Variants in PKNOX2 observed in about 807,000 individuals in gnomAD.
The protein encoded by PKNOX2 is homeobox protein PKNOX2.
In PKNOX2, 14 loss-of-function variants were observed where a neutral mutation model predicts 53.1. The ratio of observed to expected loss-of-function variants is 0.26; its 90% confidence interval spans 0.17 to 0.41. The LOEUF is 0.41. PKNOX2 is among the 10% of genes least tolerant of loss of function. The pLI, the probability that PKNOX2 is intolerant of heterozygous loss-of-function variation, is 1.00. For missense variants in PKNOX2, 496 were observed against 602.8 expected, an observed-to-expected ratio of 0.82 and a Z score of 1.85; for synonymous variants, 257 against 242.8, an observed-to-expected ratio of 1.06 and a Z score of -0.54.
At position 125,410,595 on chromosome 11, in the gene PKNOX2, G is replaced by A. The variant is rs1056333133; in HGVS notation, c.719-184G>A. 24 of 650,158 alleles carry A rather than the reference G, an allele frequency of 3.7e-5. No homozygotes were observed. The Admixed American group carries it at 4.9e-4, about 13-fold the overall frequency. The allele number at this position is 650,158 out of a possible 1,614,324, so 40.3% of individuals were successfully genotyped here. A position where few individuals can be genotyped will look rare whatever the true frequency, so the allele number is the denominator to read the frequency against. ...TTCCCCGAAGCACCTCCCACCAGAG[G>A]CTCTGTCCTAGGCTCTAGACACCAT... On this transcript the variant is annotated intron_variant, in intron 8 of 12. Transcript: ENST00000298282.
In PKNOX2 at chr11:125,354,650, A is replaced by G. The variant is rs372855029; in HGVS notation, c.87+3258A>G. Among the ~76,000 whole-genome samples, 10 of 152,382 alleles carry G rather than the reference A, an allele frequency of 6.6e-5. No individual in the cohort carries two copies. In the East Asian group the frequency reaches 1.7e-3, roughly 26 times the overall value. ...TTGGAAAATTAGGAATCTGCATTAA[A>G]AAATTCCCAAGCCCCGGACCTTCTT... On this transcript the variant is annotated intron_variant, in intron 4 of 12. Coordinates refer to ENST00000298282, the MANE Select transcript of PKNOX2 (RefSeq NM_001382323.2).
intron 6 of PKNOX2, among the ~76,000 whole-genome samples, chr11:125,389,758 C>T (rs1953915759): frequency 6.6e-6 from 1 of 152,226 alleles, no homozygotes; most frequent in South Asian, 2.1e-4. Context: ...CAAACCGTGG[C>T]TGTAAAACGT....
At chr11:125,221,653 G>C (rs1289377141) in intron 1 of PKNOX2, among the ~76,000 whole-genome samples, 1 of 152,104 alleles carries the variant, frequency 6.6e-6, no homozygotes, top group African/African-American at 2.4e-5. Flanking sequence ...TTGTTATTAT[G>C]GGCTGCATAT....
At chr11:125,299,760 T>G (rs940548309) in intron 2 of PKNOX2, among the ~76,000 whole-genome samples, 3 of 152,024 alleles carry the variant, frequency 2.0e-5, no homozygotes, top group Admixed American at 6.6e-5. Context: ...GGGTGAGCGT[T>G]GGGGATATGG....
intron 2 of PKNOX2, among the ~76,000 whole-genome samples, chr11:125,329,869 T>G (rs73025721): frequency 6.6e-6 from 1 of 151,930 alleles, no homozygotes; most frequent in Non-Finnish European, 1.5e-5. Flanking sequence ...CAGCTGCTTT[T>G]TCGACAATGA....
intron 3 of PKNOX2, among the ~76,000 whole-genome samples, chr11:125,348,566 TG>T (rs1277825711): frequency 3.3e-5 from 5 of 152,340 alleles, no homozygotes; most frequent in Admixed American, 2.0e-4. Flanking sequence ...GGCTCAGGAC[TG>T]AACAGTCTCC....
chr11:125,227,272 A>T (rs1352461933), intron 1 of PKNOX2, among the ~76,000 whole-genome samples: 1 of 152,102 alleles, frequency 6.6e-6, no homozygotes, highest in African/African-American at 2.4e-5. Context: ...TGATGACATT[A>T]AGTATATTCG....
intron 2 of PKNOX2, among the ~76,000 whole-genome samples, chr11:125,279,464 C>G (rs553498948): frequency 1.3e-5 from 2 of 152,322 alleles, no homozygotes; most frequent in African/African-American, 4.8e-5. Flanking sequence ...GAAAATGAGG[C>G]TATGGCAGCA....
chr11:125,251,239 G>C (rs1174560766), intron 2 of PKNOX2, among the ~76,000 whole-genome samples: 5 of 152,148 alleles, frequency 3.3e-5, no homozygotes, highest in African/African-American at 1.2e-4. Flanking sequence ...AAGCTTATTA[G>C]GTTGAATATT....
At chr11:125,314,208 T>C (rs1480158187) in intron 2 of PKNOX2, among the ~76,000 whole-genome samples, 2 of 152,100 alleles carry the variant, frequency 1.3e-5, no homozygotes, top group Non-Finnish European at 2.9e-5. Flanking sequence ...GGTGTCATGG[T>C]CAGCTCGTCG....
At chr11:125,228,308 A>G (rs554612080) in intron 1 of PKNOX2, among the ~76,000 whole-genome samples, 56 of 152,336 alleles carry the variant, frequency 3.7e-4, no homozygotes, top group Non-Finnish European at 6.9e-4. Context: ...TTCGAATTTT[A>G]AAAGTCACAC....
intron 2 of PKNOX2, among the ~76,000 whole-genome samples, chr11:125,236,810 C>T (rs749053457): frequency 2.0e-5 from 3 of 152,050 alleles, no homozygotes; most frequent in South Asian, 2.1e-4. Flanking sequence ...GTGATAGGGC[C>T]CAGTTGAGGA....
intron 5 of PKNOX2, among the ~76,000 whole-genome samples, chr11:125,379,366 G>A (rs139973049): frequency 0.011 from 1,749 of 152,204 alleles, 28 homozygotes; most frequent in African/African-American, 0.039. Context: ...CCCAGCCAAG[G>A]ACCCAGCCAT....
intron 10 of PKNOX2, among the ~76,000 whole-genome samples, chr11:125,417,716 G>A (rs61318400): frequency 2.6e-5 from 4 of 152,156 alleles, no homozygotes; most frequent in East Asian, 1.9e-4. Context: ...CAGCAGAGGC[G>A]TGGAGCCCCG....
intron 1 of PKNOX2, among the ~76,000 whole-genome samples, chr11:125,168,035 T>G (rs1955019847): frequency 6.6e-6 from 1 of 152,216 alleles, no homozygotes; most frequent in Admixed American, 6.5e-5. Context: ...AGCATTGCTT[T>G]AGGTAGGCCT....
intron 4 of PKNOX2, among the ~76,000 whole-genome samples, chr11:125,364,141 C>T (rs920850563): frequency 1.3e-5 from 2 of 152,214 alleles, no homozygotes; most frequent in African/African-American, 2.4e-5. Context: ...TCCTCCTGGC[C>T]CCCAAGCCCT....
At position 125,410,243 on chromosome 11, in the gene PKNOX2, C is replaced by A. The variant is rs774563329; in HGVS notation, c.636C>A (p.Asn212Lys). ...ATTCCATGTCCGGAGTCTCCAATAA[C>A]CCCCAGGGGATTGTGGTCCCAGCCT... ...SPNSMSGVSN[N>K]PQGIVVPASA... Residue 212 changes from asparagine (N) to lysine (K), a missense_variant, in exon 8 of 13, where the codon AAC (asparagine) becomes AAA (lysine). Physicochemically the swap from Asn to Lys is moderately conservative, Grantham distance 94 (BLOSUM62 0). Transcript: ENST00000298282. The A allele has an allele frequency of 1.2e-6, 2 of 1,614,072 alleles. No individual in the cohort carries two copies. Among genetic ancestry groups the A allele is most frequent in the Non-Finnish European group, 1.7e-6 (2 of 1,179,978 alleles).
At position 125,367,857 on chromosome 11, in the gene PKNOX2, C is replaced by A. The variant is rs770561983; in HGVS notation, c.99C>A (p.Thr33=). The change falls in exon 5 of 13, where the codon ACC becomes ACA. Residue 33 remains threonine, a synonymous_variant. Transcript: ENST00000298282. ...TCTTCTCTCTGCAGATGACGGCAAC[C>A]GCCCAGCCACCCTCCAAGGCCCAGG... is the stretch of plus-strand genomic sequence containing the variant. ...PYQDSPQMTA[T]AQPPSKAQAV... 5 of 1,611,780 alleles carry A rather than the reference C, an allele frequency of 3.1e-6. No individual in the cohort carries two copies. The African/African-American group carries it at 5.3e-5, about 17-fold the overall frequency.
intron 1 of PKNOX2, among the ~76,000 whole-genome samples, chr11:125,196,091 G>A (rs748455154): frequency 3.9e-5 from 6 of 152,180 alleles, no homozygotes; most frequent in Non-Finnish European, 7.4e-5. Flanking sequence ...TTGGGCATGG[G>A]GATCTGTGTC....
Sources: gnomAD v4.1 joint callset for allele counts (sites outside exome capture counted in the v4.1 genomes callset) on GRCh38, gnomAD v4.1.1 for gene constraint, MANE v1.5 for transcripts, NCBI Gene and HGNC (gene_info 2026-07-23, HGNC 2026-07-21) for gene names.